The following CARM1 variants were observed in gnomAD, a reference collection of about 807,000 sequenced individuals.
CARM1 encodes the protein histone-arginine methyltransferase CARM1.
A neutral mutation model predicts 72.7 loss-of-function variants in CARM1; 14 were observed. The ratio of observed to expected loss-of-function variants is 0.19; its 90% CI spans 0.13 to 0.30. CARM1 has a LOEUF of 0.30. CARM1 is among the 10% of genes least tolerant of loss of function. CARM1 has a pLI of 1.00. For synonymous variants in CARM1, 333 were observed against 345.5 expected (o/e 0.96, Z 0.40); for missense variants, 432 against 833.7 (o/e 0.52, Z 5.93).
chr19:10,887,549 A>G (rs1328813141), intron 1 of CARM1, among the ~76,000 whole-genome samples: 1 of 152,182 alleles, frequency 6.6e-6, no homozygotes, highest in African/African-American at 2.4e-5. Context: ...TTTGTGGCCC[A>G]GGACATCCTG....
intron 1 of CARM1, among the ~76,000 whole-genome samples, chr19:10,899,397 G>T (rs1477603520): frequency 6.6e-6 from 1 of 152,248 alleles, no homozygotes; most frequent in Non-Finnish European, 1.5e-5. Context: ...AGTATCTCCT[G>T]CCCCAGGACG....
intron 1 of CARM1, among the ~76,000 whole-genome samples, chr19:10,898,719 G>A (rs1304589409): frequency 6.6e-6 from 1 of 152,216 alleles, no homozygotes; most frequent in African/African-American, 2.4e-5. Context: ...CGGGCCCCAA[G>A]GCTCCCTTCT....
rs185304306 is a variant in CARM1 at position 10,877,750 on chromosome 19, T to C, written c.220+5828T>C. 3.1e-3 allele frequency among the ~76,000 whole-genome samples: 460 copies of C among 150,324 alleles called. 1 individual carries two copies. Among genetic ancestry groups the C allele is most frequent in the African/African-American group, 0.011 (447 of 40,814 alleles). ...GTTTTATTATTTATTTATTTTGAGA[T>C]GGAATCTCGCTCTGTTGCCCAGGCT... On this transcript the variant is annotated intron_variant, in intron 1 of 15. Coordinates refer to ENST00000327064, the MANE Select transcript of CARM1 (RefSeq NM_199141.2).
chr19:10,909,814 G>A (rs2145229009), intron 4 of CARM1, among the ~76,000 whole-genome samples: 1 of 152,302 alleles, frequency 6.6e-6, no homozygotes, highest in East Asian at 1.9e-4. Flanking sequence ...AACACAGCAT[G>A]TACATTATAG....
chr19:10,893,313 A>T (rs1424585912), intron 1 of CARM1, among the ~76,000 whole-genome samples: 4 of 152,132 alleles, frequency 2.6e-5, no homozygotes, highest in Non-Finnish European at 5.9e-5. Context: ...CTGGGATTAC[A>T]GGCGTGAGCC....
chr19:10,915,488 A>G lies in CARM1; in HGVS notation c.848-919A>G, dbSNP rs2074187870. 6.6e-6 allele frequency among the ~76,000 whole-genome samples: 1 copy of G among 152,000 alleles called. No individual in the cohort carries two copies. Among genetic ancestry groups the G allele is most frequent in the Non-Finnish European group, 1.5e-5 (1 of 67,966 alleles). ...GGCAGCCCTCCCCTCTCCCAGTCAC[A>G]TGTCTTCTGGTCAGCAGGAGCCAGA... On this transcript the variant is annotated intron_variant, in intron 6 of 15. Transcript: ENST00000327064. The surrounding 1 kb of genome is among the most constrained non-coding windows in gnomAD (Gnocchi z 4.6).
At chr19:10,884,550 GC>G (rs1223121360) in intron 1 of CARM1, among the ~76,000 whole-genome samples, 2 of 151,216 alleles carry the variant, frequency 1.3e-5, no homozygotes, top group African/African-American at 2.4e-5. Flanking sequence ...GTCCCCAGTT[GC>G]CCCCCCTCCC....
chr19:10,913,823 G>C lies in CARM1; in HGVS notation c.670-54G>C, dbSNP rs1238675743. On this transcript the variant is annotated intron_variant, in intron 5 of 15. Coordinates refer to ENST00000327064, the MANE Select transcript of CARM1 (RefSeq NM_199141.2). ...TGTCCCTTGAGAGCAGGTCTAGGGAGGGCCCCATGGCAGGAAGACGCAGGG... is the reference window on the plus strand; with the variant it reads ...TGTCCCTTGAGAGCAGGTCTAGGGACGGCCCCATGGCAGGAAGACGCAGGG... 3.2e-6 allele frequency: 5 copies of C among 1,568,228 alleles called. No homozygotes were observed. In the African/African-American group the frequency reaches 6.8e-5, roughly 21 times the overall value.
rs548130401 is a variant in CARM1 at position 10,882,274 on chromosome 19, G to C, written c.220+10352G>C. Among the ~76,000 whole-genome samples, 78 of 152,146 alleles carry C rather than the reference G, an allele frequency of 5.1e-4. 1 individual carries two copies. The highest frequency in any genetic ancestry group is 4.6e-4 in the Admixed American group (7 of 15,268). On this transcript the variant is annotated intron_variant, in intron 1 of 15. Coordinates refer to ENST00000327064, the MANE Select transcript of CARM1 (RefSeq NM_199141.2). ...CCTGGCATGGCCAAGGGCATGCAGT[G>C]GGGGGGATGGGGAGGCAAGGGACGC...
chr19:10,916,685 C>T lies in CARM1; in HGVS notation c.939-11C>T. ...CCCTGACCTTGCTGTGGGGGTGGGG[C>T]CTGTCCACAGGTACCAGCCATCTTT... On this transcript the variant is annotated splice_polypyrimidine_tract_variant and intron_variant, in intron 7 of 15. Transcript: ENST00000327064. This position sits in a 1 kb window ranked among gnomAD's most constrained non-coding sequence, Gnocchi z 4.4. 1 of 1,568,654 alleles carries T rather than the reference C, an allele frequency of 6.4e-7. No homozygotes were observed. Among genetic ancestry groups the T allele is most frequent in the South Asian group, 1.2e-5 (1 of 85,620 alleles).
intron 5 of CARM1, among the ~76,000 whole-genome samples, chr19:10,913,334 G>A (rs2074168763): frequency 6.6e-6 from 1 of 151,976 alleles, no homozygotes; most frequent in South Asian, 2.1e-4. Flanking sequence ...TTAGGTGGGC[G>A]GATCACCTGA....
At chr19:10,899,609 G>A (rs531562311) in intron 1 of CARM1, among the ~76,000 whole-genome samples, 2 of 152,280 alleles carry the variant, frequency 1.3e-5, no homozygotes, top group South Asian at 4.1e-4. Flanking sequence ...CCTGGGGTGG[G>A]AGAGAGTCTG....
At chr19:10,917,389 A>G (rs1474265596) in intron 8 of CARM1, among the ~76,000 whole-genome samples, 1 of 152,046 alleles carries the variant, frequency 6.6e-6, no homozygotes, top group Non-Finnish European at 1.5e-5. Context: ...AGGCAGGAGA[A>G]TGGCGTGAAC....
rs760095612 is a variant in CARM1, at chr19:10,916,388, C to CT, written c.848-18dup. ...GATGTGTCACCTGACGCCAGCACCC[C>CT]TCCCTGCCCCACTCCCAGGAAACAT... On this transcript the variant is annotated intron_variant, in intron 6 of 15. Coordinates refer to ENST00000327064, the MANE Select transcript of CARM1 (RefSeq NM_199141.2). The surrounding 1 kb of genome is among the most constrained non-coding windows in gnomAD (Gnocchi z 4.4). The CT allele has an allele frequency of 6.3e-7, 1 of 1,582,018 alleles. No homozygotes were observed. Among genetic ancestry groups the CT allele is most frequent in the Admixed American group, 1.7e-5 (1 of 59,906 alleles).
intron 1 of CARM1, among the ~76,000 whole-genome samples, chr19:10,875,545 C>G (rs974138244): frequency 6.6e-6 from 1 of 152,090 alleles, no homozygotes; most frequent in Non-Finnish European, 1.5e-5. Flanking sequence ...CTGCCTCAGC[C>G]TCCCGGGTAG....
chr19:10,876,077 C>T (rs1177873669), intron 1 of CARM1, among the ~76,000 whole-genome samples: 2 of 151,888 alleles, frequency 1.3e-5, no homozygotes, highest in Non-Finnish European at 2.9e-5. Flanking sequence ...TGGGGTTTCT[C>T]CGTGTTGGTC....
intron 1 of CARM1, among the ~76,000 whole-genome samples, chr19:10,888,951 A>T (rs999755662): frequency 5.3e-5 from 8 of 152,054 alleles, no homozygotes; most frequent in Non-Finnish European, 7.4e-5. Context: ...GAAGCTGTCG[A>T]CCCTTGAAGG....
At position 10,921,703 on chromosome 19, in the gene CARM1, C is replaced by G. The variant is rs1427308204; in HGVS notation, c.1773C>G (p.Ile591Met). Residue 591 changes from isoleucine (I) to methionine (M), a missense_variant, in exon 16 of 16, where the codon ATC becomes ATG. Ile to Met is a conservative substitution (Grantham distance 10). This residue lies in a region of CARM1 where 142 missense variants were observed against 188.7 expected (regional missense o/e 0.75). Coordinates refer to ENST00000327064, the MANE Select transcript of CARM1 (RefSeq NM_199141.2). ...AGTTCACCATGGGCGGCCCCGCCAT[C>G]TCCATGGCGTCGCCCATGTCCATCC... ...NSQFTMGGPA[I>M]SMASPMSIPT... 1 of 1,613,486 alleles carries G rather than the reference C, an allele frequency of 6.2e-7. No homozygotes were observed. Among genetic ancestry groups the G allele is most frequent in the African/African-American group, 1.3e-5 (1 of 74,932 alleles).
intron 1 of CARM1, among the ~76,000 whole-genome samples, chr19:10,899,043 T>G (rs1225814066): frequency 2.0e-5 from 3 of 151,062 alleles, no homozygotes; most frequent in African/African-American, 7.3e-5. Flanking sequence ...GTTTTTTTTT[T>G]TTTTTTTTTT....
Sources: allele counts gnomAD v4.1 joint callset (sites outside exome capture counted in the v4.1 genomes callset), GRCh38; gene constraint gnomAD v4.1.1; regional missense constraint gnomAD v4.1.1; non-coding constraint Gnocchi (gnomAD v3.1); transcripts MANE v1.5; gene names NCBI Gene and HGNC (gene_info 2026-07-23, HGNC 2026-07-21).